Variants in AEN observed in about 807,000 individuals in gnomAD.
The protein encoded by AEN is apoptosis enhancing nuclease, also known as apoptosis-enhancing nuclease.
In AEN, 21 loss-of-function variants were observed where a neutral mutation model predicts 17.7. That is an observed-to-expected ratio of 1.19 (90% CI 0.84 to 1.71). AEN has a LOEUF of 1.71. AEN is among the 40% of genes most tolerant of loss of function. The probability of loss-of-function intolerance (pLI) is 0.00; values close to 1 mark genes in which losing one functional copy is unlikely to be tolerated. For missense variants in AEN, 462 were observed against 435.9 expected (o/e 1.06, Z -0.53); for synonymous variants, 190 against 173.0 (o/e 1.10, Z -0.77).
At chr15:88,625,704 C>T (rs369842375) in intron 1 of AEN, among the ~76,000 whole-genome samples, 5 of 152,044 alleles carry the variant, frequency 3.3e-5, no homozygotes, top group East Asian at 1.9e-4. Context: ...ATAACCATAC[C>T]TCTGTCAAAG....
upstream of AEN, among the ~76,000 whole-genome samples, chr15:88,620,280 A>G (rs79651433): frequency 0.013 from 1,957 of 152,254 alleles, 35 homozygotes; most frequent in African/African-American, 0.038. Context: ...TAAAACTGAA[A>G]TAATAGTAAG....
At chr15:88,611,243 AAG>A in the AEN span, among the ~76,000 whole-genome samples, 4 of 152,076 alleles carry the variant, frequency 2.6e-5, no homozygotes, top group African/African-American at 9.7e-5. Context: ...TAGTAAAGGA[AAG>A]AGAGAAATGA....
At chr15:88,612,203 A>C in the AEN span, among the ~76,000 whole-genome samples, 4 of 151,972 alleles carry the variant, frequency 2.6e-5, no homozygotes, top group Non-Finnish European at 5.9e-5. Flanking sequence ...CCCAACAATC[A>C]CTTTGGGGCA....
In AEN at chr15:88,626,739, C is replaced by A; in HGVS notation, c.530C>A (p.Ala177Asp). 2 of 1,608,448 alleles carry A rather than the reference C, an allele frequency of 1.2e-6. No individual in the cohort carries two copies. The highest frequency in any genetic ancestry group is 1.7e-6 in the Non-Finnish European group (2 of 1,179,732). ...CGCAAGGCTGTCCCCTTCCAGGTGG[C>A]CCAGAAAGAGGTAAGGGCAGGGATG... ...HMRKAVPFQV[A>D]QKEILKLLKG... The change falls in exon 2 of 4, where the codon GCC (alanine) becomes GAC (aspartate). Residue 177 changes from alanine (A) to aspartate (D), a missense_variant. Transcript: ENST00000332810.
chr15:88,626,798 G>T, intron 2 of AEN, 49 bp downstream of exon 2: 1 of 1,554,872 alleles, frequency 6.4e-7, no homozygotes, highest in South Asian at 1.1e-5. Flanking sequence ...GGGCTGGAAA[G>T]AGCCACCCTG....
chr15:88,615,063 C>T, the AEN span, among the ~76,000 whole-genome samples: 2 of 152,124 alleles, frequency 1.3e-5, no homozygotes, highest in Non-Finnish European at 2.9e-5. Context: ...GAAAGGGTTT[C>T]ACTGTGCTAG....
At chr15:88,612,452 C>T in the AEN span, among the ~76,000 whole-genome samples, 2 of 152,220 alleles carry the variant, frequency 1.3e-5, no homozygotes, top group Admixed American at 1.3e-4. Flanking sequence ...CAGTACCTGC[C>T]TCTGTGCTGC....
At chr15:88,619,765 G>A (rs79654095), upstream of AEN, among the ~76,000 whole-genome samples, 3 of 151,864 alleles carry the variant, frequency 2.0e-5, no homozygotes, top group African/African-American at 4.8e-5. Context: ...CCTGAAGACC[G>A]CTGTCCTATA....
At chr15:88,605,979 C>A in the AEN span, among the ~76,000 whole-genome samples, 8 of 152,238 alleles carry the variant, frequency 5.3e-5, no homozygotes, top group Non-Finnish European at 1.2e-4. This position sits in a 1 kb window ranked among gnomAD's most constrained non-coding sequence, Gnocchi z 7.6. Flanking sequence ...GACTCATCTT[C>A]CTCATTTCTC....
chr15:88,624,305 G>A (rs933791346), intron 1 of AEN, among the ~76,000 whole-genome samples: 2 of 152,150 alleles, frequency 1.3e-5, no homozygotes, highest in Non-Finnish European at 2.9e-5. Context: ...CAGTAGCTGA[G>A]TCTGAAAGAG....
the AEN span, among the ~76,000 whole-genome samples, chr15:88,611,432 CTAAAAA>C: frequency 3.2e-4 from 26 of 82,042 alleles, no homozygotes; most frequent in African/African-American, 1.0e-3. Flanking sequence ...CTTGTCTTTA[CTAAAAA>C]AAAAAAAAAA....
At position 88,630,456 on chromosome 15, in the gene AEN, C is replaced by T. The variant is rs2057914780; in HGVS notation, c.*162C>T. ...TCATCTGTTACCTTGACACCCTCTG[C>T]ACACAGCATAGCCCTCTCTCTCTCC... On this transcript the variant is annotated 3_prime_UTR_variant, in exon 4 of 4. Transcript: ENST00000332810. The surrounding 1 kb of genome is among the most constrained non-coding windows in gnomAD (Gnocchi z 5.1). The T allele has an allele frequency of 1.6e-6, 1 of 644,680 alleles. No homozygotes were observed. The highest frequency in any genetic ancestry group is 1.8e-5 in the African/African-American group (1 of 55,004). 39.9% of individuals were successfully genotyped at this position (644,680 alleles called of 1,614,324 possible).
the AEN span, among the ~76,000 whole-genome samples, chr15:88,606,976 T>A: frequency 2.7e-5 from 4 of 145,504 alleles, no homozygotes; most frequent in Admixed American, 1.4e-4. Flanking sequence ...GAAAAAAAAA[T>A]TGCTTTTCCT....
intron 2 of AEN, chr15:88,628,932 A>G (rs934627635): frequency 2.3e-5 from 8 of 341,514 alleles, no homozygotes; most frequent in Non-Finnish European, 4.4e-5. Context: ...TAACAGGAAG[A>G]CTTCCATCCA....
At chr15:88,625,274 C>T (rs2141370623) in intron 1 of AEN, among the ~76,000 whole-genome samples, 1 of 152,280 alleles carries the variant, frequency 6.6e-6, no homozygotes, top group East Asian at 1.9e-4. Context: ...AATCCCAGTA[C>T]TTTGGGAGGC....
chr15:88,623,738 C>G (rs1193729319), intron 1 of AEN, among the ~76,000 whole-genome samples: 1 of 152,238 alleles, frequency 6.6e-6, no homozygotes, highest in Non-Finnish European at 1.5e-5. Context: ...CTGGGGCTCC[C>G]CCACTCACTT....
chr15:88,624,101 T>G (rs552406602), intron 1 of AEN, among the ~76,000 whole-genome samples: 9 of 152,356 alleles, frequency 5.9e-5, no homozygotes, highest in African/African-American at 2.2e-4. Context: ...GCACCTCTGC[T>G]TCAGCCCTTA....
the AEN span, among the ~76,000 whole-genome samples, chr15:88,610,940 A>G: frequency 6.6e-6 from 1 of 152,148 alleles, no homozygotes; most frequent in Non-Finnish European, 1.5e-5. Context: ...GCCACACTGC[A>G]AGGGAAATTA....
chr15:88,619,486 G>A (rs2057763934), upstream of AEN, among the ~76,000 whole-genome samples: 1 of 152,118 alleles, frequency 6.6e-6, no homozygotes, highest in Non-Finnish European at 1.5e-5. Context: ...TCGGGAGTTC[G>A]AGACCAGCCT....
Sources: gnomAD v4.1 joint callset for allele counts (sites outside exome capture counted in the v4.1 genomes callset) on GRCh38, gnomAD v4.1.1 for gene constraint, Gnocchi (gnomAD v3.1) non-coding constraint, MANE v1.5 for transcripts, NCBI Gene and HGNC (gene_info 2026-07-23, HGNC 2026-07-21) for gene names.